EDEM2: variants seen among roughly 807,000 people sequenced by gnomAD.
EDEM2 encodes ER degradation-enhancing alpha-mannosidase-like protein 2.
In EDEM2, 39 loss-of-function variants were observed where a neutral mutation model predicts 64.8. The ratio of observed to expected loss-of-function variants is 0.60; its 90% CI spans 0.47 to 0.79. EDEM2 has a LOEUF of 0.79. Ranked by LOEUF, EDEM2 falls within the 30% of genes least tolerant of loss-of-function variation. The pLI is 0.00. For missense variants in EDEM2, 609 were observed against 731.3 expected (o/e 0.83, Z 1.93); for synonymous variants, 296 against 291.5 (o/e 1.02, Z -0.16).
At chr20:35,132,110 ATCTG>A (rs1358061141) in intron 6 of EDEM2, among the ~76,000 whole-genome samples, 1 of 152,138 alleles carries the variant, frequency 6.6e-6, no homozygotes, top group Admixed American at 6.5e-5. Context: ...TGTTGCCGCA[ATCTG>A]TCTGATTTCT....
intron 8 of EDEM2, among the ~76,000 whole-genome samples, chr20:35,124,257 C>T (rs2085403693): frequency 6.6e-6 from 1 of 152,106 alleles, no homozygotes; most frequent in South Asian, 2.1e-4. Flanking sequence ...TTGGAAGGAA[C>T]AAAGATTGTA....
At chr20:35,146,215 C>T (rs1243188431) in intron 2 of EDEM2, among the ~76,000 whole-genome samples, 1 of 151,898 alleles carries the variant, frequency 6.6e-6, no homozygotes, top group East Asian at 1.9e-4. Context: ...TTGAATTTGC[C>T]ATTTGTATTT....
At chr20:35,144,116 C>T (rs1330656049) in intron 3 of EDEM2, among the ~76,000 whole-genome samples, 1 of 151,352 alleles carries the variant, frequency 6.6e-6, no homozygotes, top group African/African-American at 2.4e-5. Flanking sequence ...ACCATATTGC[C>T]CAGGCTGGTC....
Position 35,128,308 on chromosome 20 carries a change from G to A in EDEM2, c.845-1933C>T, listed in dbSNP as rs571638590. 1.0e-3 allele frequency among the ~76,000 whole-genome samples: 142 copies of A among 140,960 alleles called. 7 individuals are homozygous for A. Among genetic ancestry groups the A allele is most frequent in the African/African-American group, 3.7e-3 (132 of 35,490 alleles). The allele number at this position is 140,960 out of a possible 152,430, so 92.5% of individuals were successfully genotyped here. A position where few individuals can be genotyped will look rare whatever the true frequency, so the allele number is the denominator to read the frequency against. Reference sequence around the variant, plus strand: ...TGAGGCAGGAGAATGGCGTGAATCCGGGAGGTGGAGTTTGTAGTGAGCGGA... The same window carrying A: ...TGAGGCAGGAGAATGGCGTGAATCCAGGAGGTGGAGTTTGTAGTGAGCGGA... On this transcript the variant is annotated intron_variant, in intron 7 of 10. Coordinates refer to ENST00000374492, the MANE Select transcript of EDEM2 (RefSeq NM_018217.3).
intron 4 of EDEM2, 119 bp downstream of exon 4, chr20:35,142,254 A>G (rs1335079534): frequency 1.4e-6 from 1 of 735,958 alleles, no homozygotes; most frequent in Admixed American, 2.8e-5. Flanking sequence ...TGTCGGTCAG[A>G]GGTTTTGGCC....
chr20:35,134,974 C>A (rs747472383), intron 5 of EDEM2, 25 bp from the exon 6 acceptor site: 4 of 1,610,296 alleles, frequency 2.5e-6, no homozygotes, highest in Non-Finnish European at 3.4e-6. Context: ...AATTATGATC[C>A]CGGACAGGAG....
chr20:35,127,366 G>C (rs6120841), intron 7 of EDEM2, among the ~76,000 whole-genome samples: 3 of 152,126 alleles, frequency 2.0e-5, no homozygotes, highest in Admixed American at 6.5e-5. Context: ...GCACCTACTA[G>C]GTTCCAGGCT....
intron 4 of EDEM2, 83 bp from the exon 5 acceptor site, chr20:35,138,088 CA>C: frequency 6.5e-7 from 1 of 1,544,772 alleles, no homozygotes; most frequent in Admixed American, 1.9e-5. Context: ...GCGAGTTAAA[CA>C]TAAACACTCT....
rs561127838 is a variant in EDEM2, at chr20:35,115,834, A to G, written c.1336T>C (p.Phe446Leu). The change falls in exon 11 of 11, where the codon TTC becomes CTC. Residue 446 changes from phenylalanine to leucine, a missense_variant. Coordinates refer to ENST00000374492, the MANE Select transcript of EDEM2 (RefSeq NM_018217.3). Reference sequence around the variant, plus strand: ...AAGGTGGACCCATTGTTGTGGATGAAGTTGGTTGGGTCAAACAGGAGGTAG... The same window carrying G: ...AAGGTGGACCCATTGTTGTGGATGAGGTTGGTTGGGTCAAACAGGAGGTAG... ...YLYLLFDPTN[F>L]IHNNGSTFDA... is the part of the protein sequence containing the mutation. 91 of 1,612,500 alleles carry G rather than the reference A, an allele frequency of 5.6e-5. 3 individuals are homozygous for G. In the South Asian group the frequency reaches 9.4e-4, roughly 17 times the overall value.
At chr20:35,122,017 G>C (rs902324207) in intron 9 of EDEM2, among the ~76,000 whole-genome samples, 2 of 152,050 alleles carry the variant, frequency 1.3e-5, no homozygotes, top group African/African-American at 4.8e-5. Flanking sequence ...TTGAACCCCT[G>C]GGCTTAAATG....
chr20:35,122,282 G>A (rs1489194963), intron 9 of EDEM2, among the ~76,000 whole-genome samples: 1 of 152,198 alleles, frequency 6.6e-6, no homozygotes, highest in Non-Finnish European at 1.5e-5. Context: ...GATTGTGCAA[G>A]CCTATGTCTT....
chr20:35,122,805 G>A (rs901649525), intron 9 of EDEM2, among the ~76,000 whole-genome samples: 3 of 152,128 alleles, frequency 2.0e-5, no homozygotes, highest in African/African-American at 2.4e-5. Flanking sequence ...CACCTCCTAC[G>A]ATAATCACTT....
rs566085635 is a variant in EDEM2 at position 35,134,754 on chromosome 20, C to T, written c.686G>A (p.Arg229Gln). 12 of 1,613,268 alleles carry T rather than the reference C, an allele frequency of 7.4e-6. No homozygotes were observed. Among genetic ancestry groups the T allele is most frequent in the South Asian group, 1.1e-5 (1 of 91,032 alleles). The part of the protein sequence containing the change: ...RVALMRLWES[R>Q]SDIGLVGNHI... ...CGAACCTACCAGCCCGATATCTGAC[C>T]GGCTCTCCCAGAGGCGCATCAAAGC... The change falls in exon 6 of 11, where the codon CGG becomes CAG. Residue 229 changes from arginine to glutamine, a missense_variant. Coordinates refer to ENST00000374492, the MANE Select transcript of EDEM2 (RefSeq NM_018217.3).
At position 35,147,262 on chromosome 20, in the gene EDEM2, G is replaced by A; in HGVS notation, c.-4C>T. On this transcript the variant is annotated 5_prime_UTR_variant, in exon 1 of 11. Transcript: ENST00000374492. ...GGATGAGCAGCCGGAAAGGCATAGA[G>A]CTCGTGTCCTCTCAGCGCCCCCGCA... 1.3e-6 allele frequency: 2 copies of A among 1,549,000 alleles called. No homozygotes were observed. The highest frequency in any genetic ancestry group is 1.7e-6 in the Non-Finnish European group (2 of 1,143,968).
At position 35,126,345 on chromosome 20, in the gene EDEM2, C is replaced by T. The variant is rs148170838; in HGVS notation, c.875G>A (p.Arg292His). Residue 292 changes from arginine to histidine, a missense_variant, in exon 8 of 11, where the codon CGC becomes CAC. Physicochemically the swap from Arg to His is conservative, Grantham distance 29. Transcript: ENST00000374492. The stretch of plus-strand genomic sequence containing the variant: ...AACCCACAGGTACCAGTCATCGAAG[C>T]GGGTGTAGTTCCGGATGGCTTTGTT... Reference protein sequence around the residue: ...EYNKAIRNYTRFDDWYLWVQM... With the variant: ...EYNKAIRNYTHFDDWYLWVQM... 1.8e-3 allele frequency: 2,843 copies of T among 1,613,972 alleles called. 7 individuals are homozygous for T. The highest frequency in any genetic ancestry group is 4.2e-3 in the Middle Eastern group (25 of 5,962).
In EDEM2 at chr20:35,115,508, T is replaced by A; in HGVS notation, c.1662A>T (p.Pro554=). Residue 554 remains proline, a synonymous_variant, in exon 11 of 11, where the codon CCA becomes CCT. Coordinates refer to ENST00000374492, the MANE Select transcript of EDEM2 (RefSeq NM_018217.3). Reference sequence around the variant, plus strand: ...AGGGCTGACTGGGGCAGCTGAGAAGTGGGACCTTCTGTTTGGCAGGCTTCC... The same window carrying A: ...AGGGCTGACTGGGGCAGCTGAGAAGAGGGACCTTCTGTTTGGCAGGCTTCC... ...RERKPAKQKV[P]LLSCPSQPFT... 6.2e-7 allele frequency: 1 copy of A among 1,614,058 alleles called. No individual in the cohort carries two copies. The highest frequency in any genetic ancestry group is 1.1e-5 in the South Asian group (1 of 91,090).
chr20:35,124,166 C>CA (rs1448371058), intron 8 of EDEM2, 132 bp from the exon 9 acceptor site: 2 of 1,153,008 alleles, frequency 1.7e-6, no homozygotes, highest in Non-Finnish European at 2.4e-6. Context: ...GCCAGTTACT[C>CA]AGTGTGGTGC....
rs77672169 is a variant in EDEM2 at position 35,122,830 on chromosome 20, A to G, written c.1114+1060T>C. On this transcript the variant is annotated intron_variant, in intron 9 of 10. Transcript: ENST00000374492. ...GATAATCACTTGAGTTAGAAGAGGA[A>G]GGAAATGGGGTAGAGGAAGGCAGGA... Among the ~76,000 whole-genome samples the G allele has an allele frequency of 8.1e-4, 124 of 152,334 alleles. 1 individual carries two copies. The highest frequency in any genetic ancestry group is 2.8e-3 in the African/African-American group (116 of 41,562).
chr20:35,120,876 C>T (rs529191335), intron 9 of EDEM2, among the ~76,000 whole-genome samples: 1 of 152,284 alleles, frequency 6.6e-6, no homozygotes, highest in South Asian at 2.1e-4. Context: ...GGATTACAGG[C>T]GTGAGCCACC....
Sources: allele counts gnomAD v4.1 joint callset (sites outside exome capture counted in the v4.1 genomes callset), GRCh38; gene constraint gnomAD v4.1.1; transcripts MANE v1.5; gene names NCBI Gene and HGNC (gene_info 2026-07-23, HGNC 2026-07-21).